The following ARHGAP10 variants were observed in gnomAD, a reference collection of about 807,000 sequenced individuals.
The protein encoded by ARHGAP10 is rho GTPase-activating protein 10.
Under a neutral mutation model 108.6 loss-of-function variants are expected in ARHGAP10, and 87 were observed. That is an observed-to-expected ratio of 0.80 (90% CI 0.67 to 0.96). The LOEUF is 0.96. Among genes scored for constraint, ARHGAP10 ranks in the 40% least tolerant of loss-of-function variants. ARHGAP10 has a pLI of 0.00. For synonymous variants in ARHGAP10, 347 were observed against 341.1 expected, an observed-to-expected ratio of 1.02 and a Z score of -0.19; for missense variants, 939 against 954.5, an observed-to-expected ratio of 0.98 and a Z score of 0.21.
chr4:147,822,577 C>A, intron 1 of ARHGAP10, 150 bp from the exon 2 acceptor site: 1 of 724,294 alleles, frequency 1.4e-6, no homozygotes, highest in Non-Finnish European at 2.3e-6. Flanking sequence ...TTGAAGATGG[C>A]GGGCCATTTG....
At chr4:147,843,835 C>T (rs75559966) in intron 3 of ARHGAP10, among the ~76,000 whole-genome samples, 5,780 of 152,284 alleles carry the variant, frequency 0.038, 336 homozygotes, top group African/African-American at 0.13. Context: ...CTTCTTTTAT[C>T]CAACACCTTG....
intron 18 of ARHGAP10, among the ~76,000 whole-genome samples, chr4:148,006,800 C>T (rs983160253): frequency 3.3e-5 from 5 of 152,162 alleles, no homozygotes; most frequent in South Asian, 2.1e-4. Flanking sequence ...ATTAGTTACC[C>T]TCTCTTCATA....
At chr4:148,066,504 A>G (rs1033599368) in intron 22 of ARHGAP10, among the ~76,000 whole-genome samples, 6 of 152,244 alleles carry the variant, frequency 3.9e-5, no homozygotes, top group Admixed American at 3.9e-4. Flanking sequence ...CTCCAGGTCT[A>G]AAGTCCCGAG....
intron 20 of ARHGAP10, among the ~76,000 whole-genome samples, chr4:148,054,511 C>T (rs906154129): frequency 2.6e-5 from 4 of 152,198 alleles, no homozygotes; most frequent in Non-Finnish European, 5.9e-5. Flanking sequence ...TAACTTGACC[C>T]CAACTTCCTG....
intron 3 of ARHGAP10, among the ~76,000 whole-genome samples, chr4:147,841,744 T>G (rs1733423412): frequency 6.6e-6 from 1 of 152,194 alleles, no homozygotes; most frequent in Non-Finnish European, 1.5e-5. Flanking sequence ...TAGGTTCAGT[T>G]TAGAAGTTAT....
chr4:147,771,510 A>T (rs1007802878), intron 1 of ARHGAP10, among the ~76,000 whole-genome samples: 1 of 145,356 alleles, frequency 6.9e-6, no homozygotes, highest in Non-Finnish European at 1.5e-5. Flanking sequence ...ATTTTTGACT[A>T]TAGTCACCCT....
chr4:148,018,292 T>G (rs1313734379), intron 18 of ARHGAP10, among the ~76,000 whole-genome samples: 1 of 152,136 alleles, frequency 6.6e-6, no homozygotes, highest in East Asian at 1.9e-4. Context: ...CTGGGCAATC[T>G]TAGAAAGAGA....
At chr4:147,963,575 C>T (rs759833624) in intron 16 of ARHGAP10, among the ~76,000 whole-genome samples, 1 of 152,152 alleles carries the variant, frequency 6.6e-6, no homozygotes, top group Non-Finnish European at 1.5e-5. Context: ...TTAATAAGAG[C>T]CACGTATAAT....
At chr4:147,971,765 C>T (rs1739414251) in intron 18 of ARHGAP10, among the ~76,000 whole-genome samples, 1 of 152,088 alleles carries the variant, frequency 6.6e-6, no homozygotes, top group South Asian at 2.1e-4. Flanking sequence ...TTTATAGGTA[C>T]TGGGGCCACT....
intron 18 of ARHGAP10, among the ~76,000 whole-genome samples, chr4:148,007,650 A>C (rs6535574): frequency 0.72 from 110,250 of 152,112 alleles, 40,161 homozygotes; most frequent in East Asian, 0.89. Context: ...CCCAAGTTAA[A>C]CTGCTCAAGC....
chr4:147,947,703 T>C (rs1017657124), intron 15 of ARHGAP10, among the ~76,000 whole-genome samples: 1 of 151,968 alleles, frequency 6.6e-6, no homozygotes, highest in Non-Finnish European at 1.5e-5. Context: ...ATACCTGGCC[T>C]CAGGACCAGT....
intron 3 of ARHGAP10, among the ~76,000 whole-genome samples, chr4:147,825,484 G>T (rs1013642394): frequency 5.3e-5 from 8 of 151,842 alleles, no homozygotes; most frequent in Admixed American, 3.9e-4. Flanking sequence ...GTCCTCAAAA[G>T]CCCTAATATA....
Position 148,062,919 on chromosome 4 carries a change from TGGAGAA to T in ARHGAP10, c.2028-225_2028-220del, listed in dbSNP as rs113418490. Among the ~76,000 whole-genome samples, 37 of 152,290 alleles carry T rather than the reference TGGAGAA, an allele frequency of 2.4e-4. 1 individual carries two copies. The highest frequency in any genetic ancestry group is 8.7e-4 in the African/African-American group (36 of 41,568). On this transcript the variant is annotated intron_variant, in intron 20 of 22. Transcript: ENST00000336498. ...AGCAGGTTGGACAGATTGGAGAACC[TGGAGAA>T]GGACAGTAAGACAGCTTGAGTTTGG... is the stretch of plus-strand genomic sequence containing the variant.
At chr4:147,744,995 G>A (rs546956597) in intron 1 of ARHGAP10, among the ~76,000 whole-genome samples, 8 of 152,136 alleles carry the variant, frequency 5.3e-5, no homozygotes, top group African/African-American at 1.9e-4. Flanking sequence ...TTAAGGGGTA[G>A]GTGAAAGAAG....
intron 4 of ARHGAP10, among the ~76,000 whole-genome samples, chr4:147,849,392 C>G (rs914196931): frequency 1.3e-5 from 2 of 152,168 alleles, no homozygotes; most frequent in South Asian, 4.1e-4. Flanking sequence ...GCTGCCTAAA[C>G]ATTCAGTCAT....
intron 17 of ARHGAP10, among the ~76,000 whole-genome samples, chr4:147,965,764 C>G (rs982311858): frequency 1.3e-5 from 2 of 152,112 alleles, no homozygotes; most frequent in African/African-American, 4.8e-5. Flanking sequence ...TTAGTGAATG[C>G]CTTTCTTAGG....
chr4:147,751,887 T>TTG (rs1160963170), intron 1 of ARHGAP10, among the ~76,000 whole-genome samples: 4 of 149,084 alleles, frequency 2.7e-5, no homozygotes, highest in African/African-American at 1.0e-4. Flanking sequence ...CCTTTAGTTT[T>TTG]TTTTTTTTTT....
intron 1 of ARHGAP10, among the ~76,000 whole-genome samples, chr4:147,790,739 C>G (rs780296269): frequency 3.9e-5 from 6 of 152,196 alleles, no homozygotes; most frequent in Non-Finnish European, 8.8e-5. Context: ...TAAGTTTTAT[C>G]AAGTTTCCTT....
intron 1 of ARHGAP10, among the ~76,000 whole-genome samples, chr4:147,744,779 A>C (rs1277848305): frequency 6.6e-6 from 1 of 152,092 alleles, no homozygotes; most frequent in Admixed American, 6.6e-5. Context: ...GGTATTTCGT[A>C]GTAGCCAGGA....
Sources: allele counts gnomAD v4.1 joint callset (sites outside exome capture counted in the v4.1 genomes callset), GRCh38; gene constraint gnomAD v4.1.1; transcripts MANE v1.5; gene names NCBI Gene and HGNC (gene_info 2026-07-23, HGNC 2026-07-21).